SORCS2: variants seen among roughly 807,000 people sequenced by gnomAD.
SORCS2 encodes sortilin related VPS10 domain containing receptor 2.
A neutral mutation model predicts 141.6 loss-of-function variants in SORCS2; 100 were observed. The observed-to-expected ratio is 0.71, with a 90% CI of 0.60 to 0.83. The LOEUF (loss-of-function observed/expected upper bound fraction) is 0.83, where lower values mean the gene tolerates loss of function less well. SORCS2 is among the 40% of genes least tolerant of loss of function. The pLI is 0.00. For synonymous variants in SORCS2, 789 were observed against 676.9 expected, an observed-to-expected ratio of 1.17 and a Z score of -2.57; for missense variants, 1,646 against 1,560.2, an observed-to-expected ratio of 1.05 and a Z score of -0.93.
intron 1 of SORCS2, among the ~76,000 whole-genome samples, chr4:7,216,956 C>CTGTGG (rs55742312): frequency 7.2e-5 from 11 of 152,248 alleles, no homozygotes; most frequent in African/African-American, 1.9e-4. Flanking sequence ...GTGGCGGTTC[C>CTGTGG]CGTGGCTCTT....
At chr4:7,725,645 G>A (rs947987894) in intron 20 of SORCS2, among the ~76,000 whole-genome samples, 1 of 152,252 alleles carries the variant, frequency 6.6e-6, no homozygotes. Context: ...GCTCAGGGAA[G>A]GCTTTACAGA....
intron 5 of SORCS2, among the ~76,000 whole-genome samples, chr4:7,657,621 CTGAA>C (rs1215311335): frequency 1.4e-5 from 2 of 142,846 alleles, no homozygotes; most frequent in Non-Finnish European, 3.0e-5. Context: ...GAGTGAGTCA[CTGAA>C]TGAGTTAGTG....
intron 1 of SORCS2, among the ~76,000 whole-genome samples, chr4:7,364,138 T>A (rs1721746833): frequency 6.6e-6 from 1 of 152,208 alleles, no homozygotes; most frequent in South Asian, 2.1e-4. Flanking sequence ...CACCACATCA[T>A]CATCATCATT....
chr4:7,329,547 T>C (rs1305006044), intron 1 of SORCS2, among the ~76,000 whole-genome samples: 1 of 152,170 alleles, frequency 6.6e-6, no homozygotes, highest in Non-Finnish European at 1.5e-5. Context: ...GAGAGGCCTC[T>C]TCATGGCAGG....
chr4:7,451,348 G>A (rs936388535), intron 2 of SORCS2, among the ~76,000 whole-genome samples: 1 of 152,230 alleles, frequency 6.6e-6, no homozygotes, highest in African/African-American at 2.4e-5. Context: ...TGGGAGCCCC[G>A]AGGCCAAGCC....
At chr4:7,307,839 ATGAG>A (rs1010278379) in intron 1 of SORCS2, among the ~76,000 whole-genome samples, 23 of 151,460 alleles carry the variant, frequency 1.5e-4, no homozygotes, top group Non-Finnish European at 2.9e-4. Context: ...TGGTGTGTGC[ATGAG>A]TGTGTGTGCT....
At chr4:7,378,214 A>G (rs3864215) in intron 1 of SORCS2, among the ~76,000 whole-genome samples, 97,779 of 151,746 alleles carry the variant, frequency 0.64, 32,359 homozygotes, top group East Asian at 0.96. Context: ...CTCGGGTGAG[A>G]CTAACATCTC....
chr4:7,710,120 C>G (rs1288806472), intron 14 of SORCS2, among the ~76,000 whole-genome samples: 6 of 152,182 alleles, frequency 3.9e-5, no homozygotes, highest in Non-Finnish European at 7.4e-5. Context: ...TGCTCTGCCC[C>G]AGCTCAGAAC....
intron 1 of SORCS2, among the ~76,000 whole-genome samples, chr4:7,388,818 C>T (rs745416238): frequency 1.7e-4 from 26 of 152,162 alleles, no homozygotes; most frequent in Non-Finnish European, 2.9e-4. Flanking sequence ...CCCGGGGCTG[C>T]CTTGAGTGGT....
At chr4:7,463,509 C>T (rs7653894) in intron 2 of SORCS2, among the ~76,000 whole-genome samples, 84,400 of 151,882 alleles carry the variant, frequency 0.56, 24,507 homozygotes, top group African/African-American at 0.69. Flanking sequence ...GGGGTGGGGG[C>T]GCAGAAGCTC....
intron 1 of SORCS2, among the ~76,000 whole-genome samples, chr4:7,383,127 C>G (rs914314703): frequency 6.6e-6 from 1 of 152,050 alleles, no homozygotes; most frequent in African/African-American, 2.4e-5. Flanking sequence ...AACAGGGCCT[C>G]GTGTCATGGA....
intron 2 of SORCS2, among the ~76,000 whole-genome samples, chr4:7,471,286 G>C (rs1213800117): frequency 6.6e-6 from 1 of 152,222 alleles, no homozygotes. Flanking sequence ...ACACATTTCT[G>C]CTCTCAAAGG....
chr4:7,712,983 T>A (rs1725929317), intron 15 of SORCS2, 130 bp downstream of exon 15: 1 of 1,353,598 alleles, frequency 7.4e-7, no homozygotes, highest in East Asian at 2.5e-5. Context: ...CTTCAGGGAA[T>A]CCCCAGCGCC....
intron 8 of SORCS2, among the ~76,000 whole-genome samples, chr4:7,674,816 A>G (rs1337777563): frequency 6.6e-6 from 1 of 151,722 alleles, no homozygotes; most frequent in African/African-American, 2.4e-5. Context: ...AAAAAAAAAA[A>G]AAAAGCCCTT....
At chr4:7,569,324 A>T (rs985223356) in intron 3 of SORCS2, among the ~76,000 whole-genome samples, 1 of 152,208 alleles carries the variant, frequency 6.6e-6, no homozygotes, top group African/African-American at 2.4e-5. Flanking sequence ...CAGCCTGGCC[A>T]ACATGGTGAA....
intron 1 of SORCS2, among the ~76,000 whole-genome samples, chr4:7,287,684 T>C (rs1369917005): frequency 1.3e-5 from 2 of 152,226 alleles, no homozygotes; most frequent in Admixed American, 6.5e-5. Context: ...AATACTGGCA[T>C]TGACTGTCTT....
chr4:7,416,898 A>G (rs1196443998), intron 2 of SORCS2, among the ~76,000 whole-genome samples: 1 of 152,152 alleles, frequency 6.6e-6, no homozygotes, highest in Non-Finnish European at 1.5e-5. Context: ...GCATGCACAC[A>G]CACGTGTGCA....
In SORCS2 at chr4:7,193,237, G is replaced by C. The variant is rs1344612522; in HGVS notation, c.480+111G>C. 1 of 1,269,540 alleles carries C rather than the reference G, an allele frequency of 7.9e-7. No homozygotes were observed. The highest frequency in any genetic ancestry group is 2.5e-5 in the South Asian group (1 of 40,612). The allele number at this position is 1,269,540 out of a possible 1,614,324, so 78.6% of individuals were successfully genotyped here. On this transcript the variant is annotated intron_variant, in intron 1 of 26. Coordinates refer to ENST00000507866, the MANE Select transcript of SORCS2 (RefSeq NM_020777.3). The surrounding 1 kb of genome is among the most constrained non-coding windows in gnomAD (Gnocchi z 4.8). ...ATCCCCACTATGGTCATCAGGGGCG[G>C]GTTCTTGGCGACTTGGGCACTTGGG...
chr4:7,422,079 C>T (rs1726111895), intron 2 of SORCS2, among the ~76,000 whole-genome samples: 1 of 152,176 alleles, frequency 6.6e-6, no homozygotes, highest in Non-Finnish European at 1.5e-5. Context: ...CTCCATGAGC[C>T]CTGCATTTCG....
Sources: gnomAD v4.1 joint callset for allele counts (sites outside exome capture counted in the v4.1 genomes callset) on GRCh38, gnomAD v4.1.1 for gene constraint, Gnocchi (gnomAD v3.1) non-coding constraint, MANE v1.5 for transcripts, NCBI Gene and HGNC (gene_info 2026-07-23, HGNC 2026-07-21) for gene names.